KDM1B: variants seen among roughly 807,000 people sequenced by gnomAD.
The protein encoded by KDM1B is lysine-specific histone demethylase 2.
A neutral mutation model predicts 107.4 loss-of-function variants in KDM1B; 63 were observed. The observed-to-expected ratio is 0.59, with a 90% confidence interval of 0.48 to 0.72. KDM1B has a LOEUF of 0.72. KDM1B is among the 30% of genes least tolerant of loss of function. KDM1B has a pLI of 0.00. For missense variants in KDM1B, 749 were observed against 1,020.8 expected (o/e 0.73, Z 3.63); for synonymous variants, 363 against 363.9 (o/e 1.00, Z 0.03).
chr6:18,178,887 CT>C (rs751479255), intron 7 of KDM1B, among the ~76,000 whole-genome samples: 2 of 152,292 alleles, frequency 1.3e-5, no homozygotes, highest in South Asian at 2.1e-4. Flanking sequence ...CTACAAACCT[CT>C]TCTCAGTCTT....
rs755661235 is a variant in KDM1B at position 18,221,891 on chromosome 6, T to C, written c.2386-18T>C. 19 of 1,578,798 alleles carry C rather than the reference T, an allele frequency of 1.2e-5. No homozygotes were observed. The Admixed American group carries it at 1.4e-4, about 12-fold the overall frequency. On this transcript the variant is annotated intron_variant, in intron 21 of 21. Coordinates refer to ENST00000650836, the MANE Select transcript of KDM1B (RefSeq NM_001364614.2). ...CAACTCTATGCATGATCTCAAATTA[T>C]GTAATTATGTTTTACAGGCAACAAA...
chr6:18,216,249 T>A (rs1169738059), intron 20 of KDM1B, among the ~76,000 whole-genome samples: 1 of 151,960 alleles, frequency 6.6e-6, no homozygotes, highest in Non-Finnish European at 1.5e-5. Context: ...CCCAGCTAAT[T>A]TTTGTATTTT....
chr6:18,195,014 G>A (rs1376232511), intron 10 of KDM1B, among the ~76,000 whole-genome samples: 1 of 152,164 alleles, frequency 6.6e-6, no homozygotes, highest in Non-Finnish European at 1.5e-5. Context: ...GCCTGTAATA[G>A]ATATTTCCAG....
rs1272997701 is a variant in KDM1B at position 18,208,046 on chromosome 6, T to C, written c.1792-86T>C. ...AAGATTCCCCTTAGCCTTGGAGATG[T>C]AAATTCATGTAATATGAGAATCGGA... On this transcript the variant is annotated intron_variant, in intron 16 of 21. Transcript: ENST00000650836. 4 of 967,430 alleles carry C rather than the reference T, an allele frequency of 4.1e-6. No individual in the cohort carries two copies. In the African/African-American group the frequency reaches 6.4e-5, roughly 15 times the overall value. 59.9% of individuals were successfully genotyped at this position (967,430 alleles called of 1,614,324 possible). A position where few individuals can be genotyped will look rare whatever the true frequency, so the allele number is the denominator to read the frequency against.
At position 18,161,468 on chromosome 6, in the gene KDM1B, T is replaced by C. The variant is rs1177085505; in HGVS notation, c.215+14T>C. 6.2e-7 allele frequency: 1 copy of C among 1,611,804 alleles called. No individual in the cohort carries two copies. The highest frequency in any genetic ancestry group is 1.1e-5 in the South Asian group (1 of 90,754). On this transcript the variant is annotated intron_variant, in intron 4 of 21. Coordinates refer to ENST00000650836, the MANE Select transcript of KDM1B (RefSeq NM_001364614.2). ...TGCTTCTGAAAGGTCTGTTTAGATG[T>C]GTGTCTTGGCCTCCCATTTCTGCTT...
intron 12 of KDM1B, among the ~76,000 whole-genome samples, chr6:18,199,008 G>GAAAAAAAAAAAAAAAAAAA (rs70974711): frequency 4.0e-5 from 3 of 74,694 alleles, no homozygotes; most frequent in Non-Finnish European, 8.0e-5. Context: ...GTCTCTACCA[G>GAAAAAAAAAAAAAAAAAAA]AAAAAAAAAA....
Position 18,204,813 on chromosome 6 carries a change from G to C in KDM1B, c.1532-724G>C, listed in dbSNP as rs9465117. On this transcript the variant is annotated intron_variant, in intron 14 of 21. Coordinates refer to ENST00000650836, the MANE Select transcript of KDM1B (RefSeq NM_001364614.2). The surrounding 1 kb of genome is among the most constrained non-coding windows in gnomAD (Gnocchi z 4.9). ...AATGGATGGGATTGGGTGGGAGAAGGCATTCCCATGAGGGAGAGTGGGAGG... is the reference window on the plus strand; with the variant it reads ...AATGGATGGGATTGGGTGGGAGAAGCCATTCCCATGAGGGAGAGTGGGAGG... Among the ~76,000 whole-genome samples, 6,546 of 152,252 alleles carry C rather than the reference G, an allele frequency of 0.043. 454 individuals are homozygous for C. The highest frequency in any genetic ancestry group is 0.15 in the African/African-American group (6,073 of 41,504).
At chr6:18,184,273 C>CTTCTTTTTTTTTTTT (rs1554144142) in intron 7 of KDM1B, among the ~76,000 whole-genome samples, 2 of 116,672 alleles carry the variant, frequency 1.7e-5, no homozygotes, top group Non-Finnish European at 3.5e-5. Flanking sequence ...GTTCTAGCTT[C>CTTCTTTTTTTTTTTT]TTTTTTTTTT....
At chr6:18,179,079 C>G (rs1226646050) in intron 7 of KDM1B, among the ~76,000 whole-genome samples, 1 of 152,196 alleles carries the variant, frequency 6.6e-6, no homozygotes, top group African/African-American at 2.4e-5. Flanking sequence ...GAGCAGTCTC[C>G]TTTTCTTTTC....
chr6:18,172,221 ACTGTT>A lies in KDM1B; in HGVS notation c.534+743_534+747del, dbSNP rs1406240940. 6.6e-6 allele frequency among the ~76,000 whole-genome samples: 1 copy of A among 152,170 alleles called. No individual in the cohort carries two copies. Among genetic ancestry groups the A allele is most frequent in the Non-Finnish European group, 1.5e-5 (1 of 68,034 alleles). The stretch of plus-strand genomic sequence containing the variant: ...CTTTTTTGAAATTTGGCAATTACTT[ACTGTT>A]TAAAAACCTATTATTATTGCTTTAG... On this transcript the variant is annotated intron_variant, in intron 7 of 21. Coordinates refer to ENST00000650836, the MANE Select transcript of KDM1B (RefSeq NM_001364614.2). The surrounding 1 kb of genome is among the most constrained non-coding windows in gnomAD (Gnocchi z 5.2).
intron 20 of KDM1B, among the ~76,000 whole-genome samples, chr6:18,216,963 T>C (rs1789282212): frequency 6.6e-6 from 1 of 152,188 alleles, no homozygotes. Flanking sequence ...GACTGCTGTA[T>C]TTTAAATTGA....
rs1233052983 is a variant in KDM1B, at chr6:18,161,608, C to T, written c.215+154C>T. Among the ~76,000 whole-genome samples the T allele has an allele frequency of 2.0e-5, 3 of 152,116 alleles. No individual in the cohort carries two copies. The East Asian group carries it at 5.8e-4, about 29-fold the overall frequency. On this transcript the variant is annotated intron_variant, in intron 4 of 21. Transcript: ENST00000650836. Reference sequence around the variant, plus strand: ...AGACATTGCCCAGACATTCTGTACACACCACACCCTCCTCAAGGCCCTCCC... The same window carrying T: ...AGACATTGCCCAGACATTCTGTACATACCACACCCTCCTCAAGGCCCTCCC...
At chr6:18,195,194 G>A (rs1357696864) in intron 10 of KDM1B, among the ~76,000 whole-genome samples, 1 of 152,146 alleles carries the variant, frequency 6.6e-6, no homozygotes, top group South Asian at 2.1e-4. Flanking sequence ...CCACTGATGG[G>A]CTTTGAATTG....
At chr6:18,207,566 G>C (rs1272416954) in intron 16 of KDM1B, 37 bp downstream of exon 16, 15 of 1,611,198 alleles carry the variant, frequency 9.3e-6, no homozygotes, top group Non-Finnish European at 1.2e-5. Flanking sequence ...GGCTCGCCTT[G>C]TTTGGGGAGG....
chr6:18,165,409 C>A (rs912276796), intron 5 of KDM1B, among the ~76,000 whole-genome samples: 1 of 151,896 alleles, frequency 6.6e-6, no homozygotes, highest in African/African-American at 2.4e-5. Flanking sequence ...GGATTACAGG[C>A]GTGAGCCACC....
chr6:18,184,736 C>CTTTTTTTTTTTTTTTTTTTTTTTT (rs58897300), intron 7 of KDM1B, among the ~76,000 whole-genome samples: 1 of 65,434 alleles, frequency 1.5e-5, no homozygotes, highest in African/African-American at 5.5e-5. Context: ...AGCTTTTTTC[C>CTTTTTTTTTTTTTTTTTTTTTTTT]TTTTTTTTTT....
At chr6:18,163,381 A>G (rs1444709949) in intron 5 of KDM1B, among the ~76,000 whole-genome samples, 3 of 152,126 alleles carry the variant, frequency 2.0e-5, no homozygotes, top group Non-Finnish European at 4.4e-5. Context: ...TCTTGAGTCA[A>G]AGTTCTGGAA....
intron 3 of KDM1B, among the ~76,000 whole-genome samples, chr6:18,160,866 C>G (rs113694815): frequency 0.034 from 4,942 of 146,640 alleles, 100 homozygotes; most frequent in Middle Eastern, 0.07. Context: ...TCTCCTCTAT[C>G]CCCCAGGCTG....
At chr6:18,171,064 C>A (rs969062808) in intron 6 of KDM1B, among the ~76,000 whole-genome samples, 7 of 152,116 alleles carry the variant, frequency 4.6e-5, no homozygotes, top group African/African-American at 1.7e-4. Flanking sequence ...TCGTGATCCG[C>A]CCGCCTTGGC....
Sources: gnomAD v4.1 joint callset for allele counts (sites outside exome capture counted in the v4.1 genomes callset) on GRCh38, gnomAD v4.1.1 for gene constraint, Gnocchi (gnomAD v3.1) non-coding constraint, MANE v1.5 for transcripts, NCBI Gene and HGNC (gene_info 2026-07-23, HGNC 2026-07-21) for gene names.